Variants in SNX19 observed in about 807,000 individuals in gnomAD.
SNX19 encodes sorting nexin 19, also known as sorting nexin-19.
A neutral mutation model predicts 85.2 loss-of-function variants in SNX19; 60 were observed. That is an observed-to-expected ratio of 0.70 (90% CI 0.57 to 0.87). The LOEUF (loss-of-function observed/expected upper bound fraction) is 0.87. Ranked by LOEUF, SNX19 falls within the 40% of genes least tolerant of loss-of-function variation. The pLI, the probability that SNX19 is intolerant of heterozygous loss-of-function variation, is 0.00. For synonymous variants in SNX19, 520 were observed against 470.0 expected, an observed-to-expected ratio of 1.11 and a Z score of -1.38; for missense variants, 1,201 against 1,217.8, an observed-to-expected ratio of 0.99 and a Z score of 0.21.
intron 8 of SNX19, among the ~76,000 whole-genome samples, chr11:130,891,954 C>T (rs1944529258): frequency 6.6e-6 from 1 of 150,978 alleles, no homozygotes; most frequent in African/African-American, 2.4e-5. Context: ...GATTCTCTTG[C>T]CTCAGCCTCC....
Position 130,916,104 on chromosome 11 carries a change from A to G in SNX19, c.-165T>C. The G allele has an allele frequency of 1.6e-6, 1 of 624,142 alleles. No homozygotes were observed. Among genetic ancestry groups the G allele is most frequent in the Non-Finnish European group, 2.8e-6 (1 of 358,160 alleles). The allele number at this position is 624,142 out of a possible 1,614,324, so 38.7% of individuals were successfully genotyped here. On this transcript the variant is annotated 5_prime_UTR_variant, in exon 1 of 11. Coordinates refer to ENST00000265909, the MANE Select transcript of SNX19 (RefSeq NM_014758.3). ...AGTCCTACAGGCACTGCAAAGCGAC[A>G]GCTGCAGCTCCGCGTCTCCCCATGG...
At chr11:130,903,716 TACACACACACACAC>T (rs35654790) in intron 7 of SNX19, among the ~76,000 whole-genome samples, 6 of 143,332 alleles carry the variant, frequency 4.2e-5, no homozygotes, top group South Asian at 2.3e-4. Context: ...TATATACACA[TACACACACACACAC>T]ACACACACAC....
chr11:130,894,504 A>G (rs1944733834), intron 8 of SNX19, among the ~76,000 whole-genome samples: 1 of 152,236 alleles, frequency 6.6e-6, no homozygotes, highest in African/African-American at 2.4e-5. Flanking sequence ...AATGGCTTCA[A>G]TATACTGTAT....
At chr11:130,889,087 T>C (rs182410736) in intron 8 of SNX19, among the ~76,000 whole-genome samples, 1 of 152,308 alleles carries the variant, frequency 6.6e-6, no homozygotes, top group African/African-American at 2.4e-5. Flanking sequence ...GTTAGTAACA[T>C]GTGACACGTG....
In SNX19 at chr11:130,876,875, C is replaced by T. The variant is rs1290078967; in HGVS notation, c.*1547G>A. ...GGCCATGAGACATCTCATTCATCTC[C>T]TTGCCTTTGGGCAAGAATTGCACAC... On this transcript the variant is annotated 3_prime_UTR_variant, in exon 11 of 11. Transcript: ENST00000265909. 1 of 152,366 alleles carries T rather than the reference C, an allele frequency of 6.6e-6. No homozygotes were observed. Among genetic ancestry groups the T allele is most frequent in the East Asian group, 1.9e-4 (1 of 5,194 alleles). 9.4% of individuals were successfully genotyped at this position (152,366 alleles called of 1,614,324 possible). A position where few individuals can be genotyped will look rare whatever the true frequency, so the allele number is the denominator to read the frequency against.
At chr11:130,912,524 T>C (rs757521723) in intron 1 of SNX19, among the ~76,000 whole-genome samples, 2 of 152,164 alleles carry the variant, frequency 1.3e-5, no homozygotes, top group Non-Finnish European at 2.9e-5. Context: ...TAAGACACAA[T>C]GAAACGCTGT....
At chr11:130,908,157 A>C in intron 4 of SNX19, 74 bp from the exon 5 acceptor site, 1 of 1,551,484 alleles carries the variant, frequency 6.4e-7, no homozygotes. Context: ...CAGTCGCCTC[A>C]CAGCACTTTA....
intron 6 of SNX19, 23 bp from the exon 7 acceptor site, chr11:130,906,156 T>C (rs1239919366): frequency 6.2e-7 from 1 of 1,608,080 alleles, no homozygotes; most frequent in Non-Finnish European, 8.5e-7. Flanking sequence ...CAGTGGCATA[T>C]CACATATGGA....
chr11:130,873,812 T>A lies in SNX19; in HGVS notation c.*4610A>T, dbSNP rs1299598762. On this transcript the variant is annotated 3_prime_UTR_variant, in exon 11 of 11. Coordinates refer to ENST00000265909, the MANE Select transcript of SNX19 (RefSeq NM_014758.3). ...GGGGATCTGCTGAATGTTGGCAGAA[T>A]GACCCATCCCTAGAGCAGACATTGT... is the stretch of plus-strand genomic sequence containing the variant. Among the ~76,000 whole-genome samples, 1 of 152,192 alleles carries A rather than the reference T, an allele frequency of 6.6e-6. No individual in the cohort carries two copies. The highest frequency in any genetic ancestry group is 1.9e-4 in the East Asian group (1 of 5,178).
intron 5 of SNX19, 85 bp from the exon 6 acceptor site, chr11:130,906,806 A>T (rs6590537): frequency 0.65 from 629,529 of 974,420 alleles, 205,173 homozygotes; most frequent in South Asian, 0.79. Context: ...TGATAATAAA[A>T]CACAACAAGA....
In SNX19 at chr11:130,874,063, T is replaced by G. The variant is rs575322031; in HGVS notation, c.*4359A>C. On this transcript the variant is annotated 3_prime_UTR_variant, in exon 11 of 11. Transcript: ENST00000265909. ...TTTATTTGGGGTCTCACTCTGTCAC[T>G]TAAGGCTAGAATGCAGTGGTGTGAT... Among the ~76,000 whole-genome samples, 1 of 152,134 alleles carries G rather than the reference T, an allele frequency of 6.6e-6. No individual in the cohort carries two copies. The highest frequency in any genetic ancestry group is 2.4e-5 in the African/African-American group (1 of 41,508).
At chr11:130,893,679 AAAC>A (rs1296706072) in intron 8 of SNX19, 1 of 643,486 alleles carries the variant, frequency 1.6e-6, no homozygotes, top group Non-Finnish European at 2.8e-6. Context: ...TATGGGTAGA[AAAC>A]ACAGAGGAGT....
chr11:130,874,272 T>C lies in SNX19; in HGVS notation c.*4150A>G, dbSNP rs1362662357. 6.6e-6 allele frequency among the ~76,000 whole-genome samples: 1 copy of C among 152,186 alleles called. No homozygotes were observed. The highest frequency in any genetic ancestry group is 1.5e-5 in the Non-Finnish European group (1 of 68,022). On this transcript the variant is annotated 3_prime_UTR_variant, in exon 11 of 11. Coordinates refer to ENST00000265909, the MANE Select transcript of SNX19 (RefSeq NM_014758.3). ...CCTGGACTCAAACAATCCCCCAACC[T>C]TGGCCTCCCAAAGTGTTGAGATTAT...
chr11:130,909,891 T>C lies in SNX19; in HGVS notation c.2034+127A>G. On this transcript the variant is annotated intron_variant, in intron 4 of 10. Coordinates refer to ENST00000265909, the MANE Select transcript of SNX19 (RefSeq NM_014758.3). Reference sequence around the variant, plus strand: ...CTTGACAATTTAAGTCCATGTTCTATTGACGGCTCTGTGCTGCCCCTTCCC... The same window carrying C: ...CTTGACAATTTAAGTCCATGTTCTACTGACGGCTCTGTGCTGCCCCTTCCC... 4 of 1,230,684 alleles carry C rather than the reference T, an allele frequency of 3.3e-6. No individual in the cohort carries two copies. In the South Asian group the frequency reaches 4.4e-5, roughly 13 times the overall value. The allele number at this position is 1,230,684 out of a possible 1,614,324, so 76.2% of individuals were successfully genotyped here. A position where few individuals can be genotyped will look rare whatever the true frequency, so the allele number is the denominator to read the frequency against.
At chr11:130,898,294 G>A (rs1223161053) in intron 8 of SNX19, among the ~76,000 whole-genome samples, 2 of 152,152 alleles carry the variant, frequency 1.3e-5, no homozygotes, top group Admixed American at 1.3e-4. Context: ...AAACTTGCCT[G>A]CTTGGGGATA....
At chr11:130,885,934 G>A (rs11222376) in intron 8 of SNX19, among the ~76,000 whole-genome samples, 5,780 of 152,250 alleles carry the variant, frequency 0.038, 197 homozygotes, top group South Asian at 0.076. Flanking sequence ...TTTGGACTGC[G>A]AAATCTTTGT....
At chr11:130,886,285 T>C (rs1944059707) in intron 8 of SNX19, among the ~76,000 whole-genome samples, 1 of 152,184 alleles carries the variant, frequency 6.6e-6, no homozygotes, top group Admixed American at 6.5e-5. Context: ...CGTATGTATG[T>C]ACATATATAT....
chr11:130,889,397 C>CA (rs1160696600), intron 8 of SNX19, among the ~76,000 whole-genome samples: 6 of 152,048 alleles, frequency 3.9e-5, no homozygotes, highest in African/African-American at 1.4e-4. Flanking sequence ...CCCGACCCCC[C>CA]AGAAAAAGAC....
In SNX19 at chr11:130,878,235, T is replaced by C. The variant is rs1943378741; in HGVS notation, c.*187A>G. 3.9e-6 allele frequency: 2 copies of C among 514,732 alleles called. No homozygotes were observed. Among genetic ancestry groups the C allele is most frequent in the South Asian group, 9.7e-5 (2 of 20,514 alleles). The allele number at this position is 514,732 out of a possible 1,614,324, so 31.9% of individuals were successfully genotyped here. A position where few individuals can be genotyped will look rare whatever the true frequency, so the allele number is the denominator to read the frequency against. On this transcript the variant is annotated 3_prime_UTR_variant, in exon 11 of 11. Coordinates refer to ENST00000265909, the MANE Select transcript of SNX19 (RefSeq NM_014758.3). ...AAAGGAACAGGGAAATAAACGTGCATACAACTGGGACACACAGACCCCTGT... is the reference window on the plus strand; with the variant it reads ...AAAGGAACAGGGAAATAAACGTGCACACAACTGGGACACACAGACCCCTGT...
Sources: allele counts gnomAD v4.1 joint callset (sites outside exome capture counted in the v4.1 genomes callset), GRCh38; gene constraint gnomAD v4.1.1; transcripts MANE v1.5; gene names NCBI Gene and HGNC (gene_info 2026-07-23, HGNC 2026-07-21).